The following MRPL1 variants were observed in gnomAD, a reference collection of about 807,000 sequenced individuals.
MRPL1 encodes the protein large ribosomal subunit protein uL1m.
A neutral mutation model predicts 38.0 loss-of-function variants in MRPL1; 28 were observed. That is an observed-to-expected ratio of 0.74 (90% CI 0.55 to 1.01). The LOEUF (loss-of-function observed/expected upper bound fraction) is 1.01, where lower values mean the gene tolerates loss of function less well. Ranked by LOEUF, MRPL1 falls within the 50% of genes least tolerant of loss-of-function variation. The pLI is 0.00. For missense variants in MRPL1, 358 were observed against 389.8 expected, an observed-to-expected ratio of 0.92 and a Z score of 0.69; for synonymous variants, 123 against 126.7, an observed-to-expected ratio of 0.97 and a Z score of 0.20.
chr4:77,946,456 A>G (rs539193410), intron 7 of MRPL1, among the ~76,000 whole-genome samples: 1 of 152,322 alleles, frequency 6.6e-6, no homozygotes, highest in South Asian at 2.1e-4. Context: ...GCTTATGAAG[A>G]TAACAGGATT....
intron 7 of MRPL1, among the ~76,000 whole-genome samples, chr4:77,945,128 AATTATTATTATTATTATTATT>A (rs3056930): frequency 1.4e-5 from 2 of 141,100 alleles, no homozygotes; most frequent in Non-Finnish European, 3.0e-5. Flanking sequence ...CTGCACCATC[AATTATTATTATTATTATTATT>A]ATTATTATTA....
At chr4:77,900,229 T>C (rs73827452) in intron 6 of MRPL1, among the ~76,000 whole-genome samples, 3,521 of 152,280 alleles carry the variant, frequency 0.023, 123 homozygotes, top group African/African-American at 0.081. Flanking sequence ...CATAACTTAT[T>C]TGTTGAAAAA....
intron 6 of MRPL1, among the ~76,000 whole-genome samples, chr4:77,900,047 C>A (rs537167672): frequency 6.6e-6 from 1 of 152,316 alleles, no homozygotes; most frequent in African/African-American, 2.4e-5. Context: ...ATTATAACAT[C>A]CATCCCATAC....
intron 6 of MRPL1, among the ~76,000 whole-genome samples, chr4:77,908,699 T>C (rs1736216494): frequency 6.6e-6 from 1 of 152,242 alleles, no homozygotes; most frequent in Non-Finnish European, 1.5e-5. Context: ...GCATTTATTA[T>C]CTCACCATTT....
rs1222877992 is a variant in MRPL1 at position 77,883,263 on chromosome 4, A to T, written c.165A>T (p.Lys55Asn). The T allele has an allele frequency of 6.3e-7, 1 of 1,577,898 alleles. No homozygotes were observed. The change falls in exon 3 of 9, where the codon AAA (lysine) becomes AAT (asparagine). Residue 55 changes from lysine to asparagine, a missense_variant. By Grantham distance (94) the Lys-to-Asn change is moderately conservative (BLOSUM62 0). Coordinates refer to ENST00000315567, the MANE Select transcript of MRPL1 (RefSeq NM_020236.4). The part of the protein sequence containing the change: ...AATKSAKKTK[K>N]GAKEKTPDEK... ...TAAGGTCTGCAAAGAAAACAAAAAA[A>T]GGTGCTAAAGAAAAAACACCAGATG...
chr4:77,936,049 C>T (rs201550834), intron 7 of MRPL1, among the ~76,000 whole-genome samples: 3 of 151,672 alleles, frequency 2.0e-5, no homozygotes, highest in African/African-American at 7.3e-5. Context: ...AATAAATGCA[C>T]ATAGTGAAAT....
At chr4:77,898,181 T>G (rs986853907) in intron 6 of MRPL1, among the ~76,000 whole-genome samples, 2 of 152,180 alleles carry the variant, frequency 1.3e-5, no homozygotes, top group Non-Finnish European at 2.9e-5. Flanking sequence ...TATAAAATAT[T>G]ACTACCACTT....
At chr4:77,935,616 G>A (rs982514503) in intron 7 of MRPL1, among the ~76,000 whole-genome samples, 2 of 152,088 alleles carry the variant, frequency 1.3e-5, no homozygotes, top group Non-Finnish European at 2.9e-5. Flanking sequence ...GGCTGGTCTC[G>A]AACTCCTGAC....
chr4:77,912,344 CA>C (rs1736308632), intron 7 of MRPL1, among the ~76,000 whole-genome samples: 1 of 151,986 alleles, frequency 6.6e-6, no homozygotes, highest in African/African-American at 2.4e-5. Flanking sequence ...GCTACTAGAA[CA>C]ACGAAGTGAG....
chr4:77,868,482 C>A (rs1284124304), intron 1 of MRPL1, among the ~76,000 whole-genome samples: 1 of 152,074 alleles, frequency 6.6e-6, no homozygotes, highest in African/African-American at 2.4e-5. Context: ...ATCTTGTGAT[C>A]CACCCTCCTC....
intron 7 of MRPL1, among the ~76,000 whole-genome samples, chr4:77,949,349 T>C (rs1737353053): frequency 6.6e-6 from 1 of 152,236 alleles, no homozygotes; most frequent in African/African-American, 2.4e-5. Context: ...ATTGTCTCTG[T>C]GTGAGATATG....
intron 3 of MRPL1, among the ~76,000 whole-genome samples, chr4:77,884,479 C>T (rs191643077): frequency 3.3e-5 from 5 of 152,292 alleles, no homozygotes; most frequent in African/African-American, 1.2e-4. Flanking sequence ...TCAATAGTTC[C>T]TGGTCAAAAT....
At chr4:77,868,014 C>T (rs191307202) in intron 1 of MRPL1, among the ~76,000 whole-genome samples, 1 of 151,994 alleles carries the variant, frequency 6.6e-6, no homozygotes, top group East Asian at 1.9e-4. Context: ...CCTCAGCCCC[C>T]CAAAGTGCTG....
chr4:77,911,225 C>G (rs970482123), intron 7 of MRPL1, among the ~76,000 whole-genome samples: 1 of 152,162 alleles, frequency 6.6e-6, no homozygotes, highest in Admixed American at 6.5e-5. Flanking sequence ...TGTGGAATAT[C>G]CTTATAAGGC....
chr4:77,885,467 A>G (rs1735655898), intron 4 of MRPL1, 128 bp downstream of exon 4: 1 of 631,386 alleles, frequency 1.6e-6, no homozygotes. Context: ...CCCAGGTTCA[A>G]GCGATTCTCC....
At chr4:77,897,867 C>T (rs912543547) in intron 6 of MRPL1, among the ~76,000 whole-genome samples, 9 of 152,130 alleles carry the variant, frequency 5.9e-5, no homozygotes, top group Non-Finnish European at 1.2e-4. Flanking sequence ...AATTTCTGCC[C>T]CTTCACATAT....
chr4:77,942,901 T>C (rs141715898), intron 7 of MRPL1, among the ~76,000 whole-genome samples: 1 of 152,330 alleles, frequency 6.6e-6, no homozygotes, highest in Non-Finnish European at 1.5e-5. Flanking sequence ...TGTGAGGTAC[T>C]ATTCTATTCA....
rs777032350 is a variant in MRPL1 at position 77,883,362 on chromosome 4, A to G, written c.264A>G (p.Leu88=). Residue 88 remains leucine (L), a synonymous_variant, in exon 3 of 9, where the codon TTA becomes TTG. Coordinates refer to ENST00000315567, the MANE Select transcript of MRPL1 (RefSeq NM_020236.4). ...MEGEPEDDVY[L]KRLYPRQIYE... ...GCGAACCTGAGGATGATGTCTATTTAAAACGCTTATACCCGAGACAGATAT... is the reference window on the plus strand; with the variant it reads ...GCGAACCTGAGGATGATGTCTATTTGAAACGCTTATACCCGAGACAGATAT... The G allele has an allele frequency of 1.2e-6, 2 of 1,613,984 alleles. No individual in the cohort carries two copies. The highest frequency in any genetic ancestry group is 1.7e-6 in the Non-Finnish European group (2 of 1,179,954).
In MRPL1 at chr4:77,881,157, A is replaced by G. The variant is rs1349824518; in HGVS notation, c.144-2085A>G. ...ACATGGACAAATAAAGGGGCTGGGA[A>G]ATATACTCCTCTTTAGTGGGAGGAA... is the stretch of plus-strand genomic sequence containing the variant. On this transcript the variant is annotated intron_variant, in intron 2 of 8. Coordinates refer to ENST00000315567, the MANE Select transcript of MRPL1 (RefSeq NM_020236.4). Among the ~76,000 whole-genome samples the G allele has an allele frequency of 4.6e-5, 7 of 152,200 alleles. No individual in the cohort carries two copies. The South Asian group carries it at 1.4e-3, about 32-fold the overall frequency.
Sources: gnomAD v4.1 joint callset for allele counts (sites outside exome capture counted in the v4.1 genomes callset) on GRCh38, gnomAD v4.1.1 for gene constraint, MANE v1.5 for transcripts, NCBI Gene and HGNC (gene_info 2026-07-23, HGNC 2026-07-21) for gene names.